RAPH1: variants seen among roughly 807,000 people sequenced by gnomAD.
RAPH1 encodes the protein Ras association (RalGDS/AF-6) and pleckstrin homology domains 1, also known as ras-associated and pleckstrin homology domains-containing protein 1.
In RAPH1, 18 loss-of-function variants were observed where a neutral mutation model predicts 88.1. The observed-to-expected ratio is 0.20, with a 90% CI of 0.14 to 0.30. The LOEUF is 0.30. Among genes scored for constraint, RAPH1 ranks in the 10% least tolerant of loss-of-function variants. The pLI is 1.00. For synonymous variants in RAPH1, 587 were observed against 559.0 expected, an observed-to-expected ratio of 1.05 and a Z score of -0.71; for missense variants, 1,448 against 1,543.2, an observed-to-expected ratio of 0.94 and a Z score of 1.03.
At chr2:203,486,061 GA>G (rs915560935) in intron 4 of RAPH1, among the ~76,000 whole-genome samples, 29 of 111,092 alleles carry the variant, frequency 2.6e-4, no homozygotes, top group South Asian at 5.9e-4. Flanking sequence ...ACCAGCCTAG[GA>G]AAAAAAACCT....
At chr2:203,468,130 G>C (rs1180163157) in intron 4 of RAPH1, among the ~76,000 whole-genome samples, 1 of 152,166 alleles carries the variant, frequency 6.6e-6, no homozygotes, top group African/African-American at 2.4e-5. Context: ...GTTCACTGCT[G>C]TATCTCCAGG....
rs1466222262 is a variant in RAPH1, at chr2:203,506,824, A to ATC, written c.1-11472_1-11471insGA. 6.1e-3 allele frequency among the ~76,000 whole-genome samples: 357 copies of ATC among 58,692 alleles called. 19 individuals carry two copies. Among genetic ancestry groups the ATC allele is most frequent in the Non-Finnish European group, 9.0e-3 (284 of 31,592 alleles). 38.5% of individuals were successfully genotyped at this position (58,692 alleles called of 152,430 possible). ...TATATATCTATATCTATATATCTATATATATATCTATATCTATATATCTAT... is the reference window on the plus strand; with the variant it reads ...TATATATCTATATCTATATATCTATATCTATATATCTATATCTATATATCTAT... On this transcript the variant is annotated intron_variant, in intron 1 of 13. Coordinates refer to ENST00000319170, the MANE Select transcript of RAPH1 (RefSeq NM_213589.3).
At chr2:203,466,357 T>C (rs2098528461) in intron 4 of RAPH1, among the ~76,000 whole-genome samples, 1 of 152,212 alleles carries the variant, frequency 6.6e-6, no homozygotes, top group Non-Finnish European at 1.5e-5. Flanking sequence ...TTGTGTCTAA[T>C]GTATTTAAGC....
intron 1 of RAPH1, among the ~76,000 whole-genome samples, chr2:203,508,717 A>C (rs1361096561): frequency 2.6e-5 from 4 of 152,194 alleles, no homozygotes; most frequent in Non-Finnish European, 1.5e-5. Flanking sequence ...AGGAGGAGAG[A>C]TAAAAAGAAA....
intron 1 of RAPH1, among the ~76,000 whole-genome samples, chr2:203,524,331 A>G (rs1417789387): frequency 2.6e-5 from 4 of 152,224 alleles, no homozygotes; most frequent in African/African-American, 9.6e-5. Context: ...GCTGTTGGAT[A>G]TAAAATGATA....
At position 203,469,552 on chromosome 2, in the gene RAPH1, C is replaced by A. The variant is rs372984884; in HGVS notation, c.733-7627G>T. ...ATTTTTCAGAAATATGTCTGATATTCTTGAATTTAACATTATTTAAATAAG... is the reference window on the plus strand; with the variant it reads ...ATTTTTCAGAAATATGTCTGATATTATTGAATTTAACATTATTTAAATAAG... On this transcript the variant is annotated intron_variant, in intron 4 of 13. Coordinates refer to ENST00000319170, the MANE Select transcript of RAPH1 (RefSeq NM_213589.3). Among the ~76,000 whole-genome samples, 301 of 152,214 alleles carry A rather than the reference C, an allele frequency of 2.0e-3. 13 individuals are homozygous for A. In the South Asian group the frequency reaches 0.057, roughly 29 times the overall value.
intron 1 of RAPH1, among the ~76,000 whole-genome samples, chr2:203,509,615 C>T (rs1181245015): frequency 6.6e-6 from 1 of 152,058 alleles, no homozygotes; most frequent in African/African-American, 2.4e-5. Context: ...ATTTCCTGAC[C>T]TCTTCCCAAC....
chr2:203,504,767 A>G (rs1688903914), intron 1 of RAPH1, among the ~76,000 whole-genome samples: 1 of 152,120 alleles, frequency 6.6e-6, no homozygotes, highest in Admixed American at 6.6e-5. Flanking sequence ...AATGCTTTTA[A>G]TAGCACCCAA....
At chr2:203,519,205 TA>T (rs1689756614) in intron 1 of RAPH1, among the ~76,000 whole-genome samples, 1 of 151,628 alleles carries the variant, frequency 6.6e-6, no homozygotes, top group Non-Finnish European at 1.5e-5. Flanking sequence ...AAAAGAAAAC[TA>T]TAAACCATTA....
At chr2:203,499,138 G>C (rs1433728072) in intron 1 of RAPH1, among the ~76,000 whole-genome samples, 1 of 152,170 alleles carries the variant, frequency 6.6e-6, no homozygotes, top group Non-Finnish European at 1.5e-5. Context: ...TGACTGTACA[G>C]ACTCTGCATC....
At position 203,481,791 on chromosome 2, in the gene RAPH1, G is replaced by A. The variant is rs545037284; in HGVS notation, c.732+7793C>T. On this transcript the variant is annotated intron_variant, in intron 4 of 13. Coordinates refer to ENST00000319170, the MANE Select transcript of RAPH1 (RefSeq NM_213589.3). ...TTTTTTTTGTATTTTTAGTAGAGACGGGGTTTCACCATGTTGGCCAGGCTG... is the reference window on the plus strand; with the variant it reads ...TTTTTTTTGTATTTTTAGTAGAGACAGGGTTTCACCATGTTGGCCAGGCTG... 3.0e-4 allele frequency among the ~76,000 whole-genome samples: 44 copies of A among 148,448 alleles called. 1 individual carries two copies. The South Asian group carries it at 6.4e-3, about 22-fold the overall frequency.
chr2:203,493,632 T>TA (rs555706846), intron 2 of RAPH1, among the ~76,000 whole-genome samples: 54 of 152,196 alleles, frequency 3.5e-4, no homozygotes, highest in African/African-American at 1.2e-3. Context: ...TTCTTCTGAT[T>TA]AGAGATGAAG....
At chr2:203,503,645 A>G (rs541942744) in intron 1 of RAPH1, among the ~76,000 whole-genome samples, 1 of 152,188 alleles carries the variant, frequency 6.6e-6, no homozygotes, top group South Asian at 2.1e-4. Flanking sequence ...TTCAAAACCA[A>G]TCATGCCTTC....
At chr2:203,525,464 T>C (rs1344476557) in intron 1 of RAPH1, among the ~76,000 whole-genome samples, 1 of 152,008 alleles carries the variant, frequency 6.6e-6, no homozygotes, top group Non-Finnish European at 1.5e-5. Context: ...ATTACAGGTG[T>C]GAGCCACCAT....
chr2:203,463,844 G>A (rs1394123210), intron 4 of RAPH1, among the ~76,000 whole-genome samples: 1 of 152,066 alleles, frequency 6.6e-6, no homozygotes, highest in Non-Finnish European at 1.5e-5. Flanking sequence ...AACAAGCTAT[G>A]AAACGAGAAA....
At position 203,439,665 on chromosome 2, in the gene RAPH1, T is replaced by C. The variant is rs754856273; in HGVS notation, c.3525A>G (p.Arg1175=). 9.9e-6 allele frequency: 16 copies of C among 1,614,138 alleles called. No individual in the cohort carries two copies. The highest frequency in any genetic ancestry group is 4.4e-5 in the South Asian group (4 of 91,070). Reference sequence around the variant, plus strand: ...GTGAGCCGTGCCGAGTGATGGACTTTCGTTGCAGTGTCCTGTTGAGGTCAG... The same window carrying C: ...GTGAGCCGTGCCGAGTGATGGACTTCCGTTGCAGTGTCCTGTTGAGGTCAG... ...FLADLNRTLQ[R]KSITRHGSLS... The change falls in exon 14 of 14, where the codon CGA becomes CGG. Residue 1175 remains arginine (R), a synonymous_variant. Coordinates refer to ENST00000319170, the MANE Select transcript of RAPH1 (RefSeq NM_213589.3).
At chr2:203,489,251 T>G (rs1472930970) in intron 4 of RAPH1, among the ~76,000 whole-genome samples, 2 of 152,198 alleles carry the variant, frequency 1.3e-5, no homozygotes, top group Non-Finnish European at 2.9e-5. Flanking sequence ...TTACTTTAAA[T>G]CAACATACAT....
chr2:203,472,135 T>TA (rs1055238296), intron 4 of RAPH1, among the ~76,000 whole-genome samples: 3 of 151,174 alleles, frequency 2.0e-5, no homozygotes, highest in African/African-American at 7.3e-5. Context: ...TTCTTTTTTT[T>TA]TTTTTTTATT....
chr2:203,478,552 C>T (rs531984509), intron 4 of RAPH1, among the ~76,000 whole-genome samples: 4 of 151,950 alleles, frequency 2.6e-5, no homozygotes, highest in African/African-American at 9.7e-5. Context: ...TGCAGTGGCA[C>T]GATCTCAGCT....
Sources: allele counts gnomAD v4.1 joint callset (sites outside exome capture counted in the v4.1 genomes callset), GRCh38; gene constraint gnomAD v4.1.1; transcripts MANE v1.5; gene names NCBI Gene and HGNC (gene_info 2026-07-23, HGNC 2026-07-21).